SPATA9: variants seen among roughly 807,000 people sequenced by gnomAD.
The protein encoded by SPATA9 is spermatogenesis associated 9.
A neutral mutation model predicts 25.5 loss-of-function variants in SPATA9; 27 were observed. The ratio of observed to expected loss-of-function variants is 1.06; its 90% confidence interval spans 0.78 to 1.46. The LOEUF (loss-of-function observed/expected upper bound fraction) is 1.46. Ranked by LOEUF, SPATA9 falls within the 40% of genes most tolerant of loss-of-function variation. SPATA9 has a pLI of 0.00. For missense variants in SPATA9, 282 were observed against 297.5 expected, an observed-to-expected ratio of 0.95 and a Z score of 0.38; for synonymous variants, 102 against 105.7, an observed-to-expected ratio of 0.97 and a Z score of 0.21.
chr5:95,731,712 G>C, the SPATA9 span: 1 of 1,613,236 alleles, frequency 6.2e-7, no homozygotes. Context: ...TCCTGCCATT[G>C]TCTCTCTCCA....
intron 2 of SPATA9, among the ~76,000 whole-genome samples, chr5:95,682,051 A>G (rs1320991125): frequency 6.6e-6 from 1 of 152,212 alleles, no homozygotes. Flanking sequence ...ATCTGTTTCA[A>G]ATCCTTTTTG....
the SPATA9 span, among the ~76,000 whole-genome samples, chr5:95,728,694 A>T: frequency 6.6e-6 from 1 of 152,208 alleles, no homozygotes; most frequent in African/African-American, 2.4e-5. Flanking sequence ...CTCCATCTTG[A>T]GTAGAGGCTG....
chr5:95,710,117 C>A, the SPATA9 span, among the ~76,000 whole-genome samples: 1 of 152,148 alleles, frequency 6.6e-6, no homozygotes, highest in African/African-American at 2.4e-5. Context: ...CCTGAGCCCA[C>A]GGCACATCTG....
At chr5:95,662,836 A>G (rs1751391199) in intron 4 of SPATA9, among the ~76,000 whole-genome samples, 1 of 151,246 alleles carries the variant, frequency 6.6e-6, no homozygotes, top group African/African-American at 2.4e-5. Flanking sequence ...GCAAATTAAA[A>G]CCACAATGTG....
intron 3 of SPATA9, among the ~76,000 whole-genome samples, chr5:95,665,883 C>T (rs994980471): frequency 3.3e-5 from 5 of 152,026 alleles, no homozygotes; most frequent in Non-Finnish European, 4.4e-5. Flanking sequence ...GCAGGACAAT[C>T]GCTTGAATCT....
chr5:95,724,153 CA>C, the SPATA9 span, among the ~76,000 whole-genome samples: 1 of 152,106 alleles, frequency 6.6e-6, no homozygotes, highest in Non-Finnish European at 1.5e-5. Context: ...CTTCATGACA[CA>C]GCAATACAGT....
intron 1 of SPATA9, among the ~76,000 whole-genome samples, chr5:95,691,380 ATG>A (rs1753887474): frequency 6.6e-6 from 1 of 152,204 alleles, no homozygotes; most frequent in South Asian, 2.1e-4. Flanking sequence ...TTTGTCATAT[ATG>A]TTTATATATA....
At chr5:95,711,277 G>A in the SPATA9 span, among the ~76,000 whole-genome samples, 1 of 152,138 alleles carries the variant, frequency 6.6e-6, no homozygotes, top group Non-Finnish European at 1.5e-5. Flanking sequence ...GCAAGGAAGT[G>A]CTTTCTGGCC....
the SPATA9 span, among the ~76,000 whole-genome samples, chr5:95,711,376 G>C: frequency 6.6e-6 from 1 of 152,194 alleles, no homozygotes; most frequent in African/African-American, 2.4e-5. Context: ...TGGGTCTGGA[G>C]TATGGACTCC....
chr5:95,657,794 T>G (rs941757418), downstream of SPATA9: 2 of 152,132 alleles, frequency 1.3e-5, no homozygotes, highest in Non-Finnish European at 2.9e-5. Context: ...AGCTACTTAC[T>G]AAGTACAGAA....
Position 95,682,819 on chromosome 5 carries a change from C to T in SPATA9, c.36G>A (p.Gln12=). The T allele has an allele frequency of 6.5e-7, 1 of 1,549,760 alleles. No homozygotes were observed. Among genetic ancestry groups the T allele is most frequent in the Non-Finnish European group, 8.7e-7 (1 of 1,152,672 alleles). ...TTCTTCCAGAAAAGTTCTTCAACAC[C>T]TGCCCACATATCCACCCAACAGGTT... The part of the protein sequence containing the change: ...PIKPVGWICG[Q]VLKNFSGRIE... Residue 12 remains glutamine, a synonymous_variant, in exon 1 of 5, where the codon CAG becomes CAA. Coordinates refer to ENST00000274432, the MANE Select transcript of SPATA9 (RefSeq NM_031952.4).
upstream of SPATA9, among the ~76,000 whole-genome samples, chr5:95,699,561 G>A (rs1754128135): frequency 6.6e-6 from 1 of 152,168 alleles, no homozygotes; most frequent in Admixed American, 6.5e-5. Context: ...AGTAGCCATA[G>A]AAATGAAATA....
chr5:95,684,219 G>A (rs150656322), upstream of SPATA9, among the ~76,000 whole-genome samples: 1 of 152,216 alleles, frequency 6.6e-6, no homozygotes, highest in Non-Finnish European at 1.5e-5. Flanking sequence ...AATCATACTA[G>A]ACAATGATGA....
the SPATA9 span, among the ~76,000 whole-genome samples, chr5:95,722,833 A>G: frequency 6.6e-6 from 1 of 152,238 alleles, no homozygotes; most frequent in East Asian, 1.9e-4. Context: ...CAGGCATATT[A>G]AAGGCCAGAT....
chr5:95,673,518 C>T lies in SPATA9; in HGVS notation c.378+1894G>A, dbSNP rs369446925. ...AAGCAAAAAGGAAGACCCTGAATAG[C>T]ATAATGACCTGTGTCTTTAAAGATT... On this transcript the variant is annotated intron_variant, in intron 3 of 4. Transcript: ENST00000274432. 1.9e-3 allele frequency among the ~76,000 whole-genome samples: 293 copies of T among 152,204 alleles called. 2 individuals are homozygous for T. In the Middle Eastern group the frequency reaches 0.024, roughly 12 times the overall value.
chr5:95,665,390 G>C (rs1460019959), intron 3 of SPATA9, among the ~76,000 whole-genome samples: 1 of 151,934 alleles, frequency 6.6e-6, no homozygotes, highest in East Asian at 1.9e-4. Context: ...CTAGTCTCTG[G>C]TAACCACTGT....
the SPATA9 span, chr5:95,731,660 G>T: frequency 6.2e-7 from 1 of 1,613,072 alleles, no homozygotes. Context: ...CCGAGTCGCC[G>T]CCCTGCCCTT....
At chr5:95,699,003 G>A (rs1490613654), upstream of SPATA9, among the ~76,000 whole-genome samples, 2 of 152,180 alleles carry the variant, frequency 1.3e-5, no homozygotes, top group African/African-American at 2.4e-5. Flanking sequence ...AATGGAAGGC[G>A]CAGGCTTGAA....
At chr5:95,700,310 T>C (rs1561422795), upstream of SPATA9, among the ~76,000 whole-genome samples, 1 of 152,082 alleles carries the variant, frequency 6.6e-6, no homozygotes, top group Non-Finnish European at 1.5e-5. Context: ...AAAATTTTTT[T>C]TTTTGTTTAG....
Sources: gnomAD v4.1 joint callset for allele counts (sites outside exome capture counted in the v4.1 genomes callset) on GRCh38, gnomAD v4.1.1 for gene constraint, MANE v1.5 for transcripts, NCBI Gene and HGNC (gene_info 2026-07-23, HGNC 2026-07-21) for gene names.